The following EFHC2 variants were observed in gnomAD, a reference collection of about 807,000 sequenced individuals.
EFHC2 encodes the protein EF-hand domain containing 2, also known as EF-hand domain-containing family member C2.
In EFHC2, 18 loss-of-function variants were observed where a neutral mutation model predicts 52.7. The observed-to-expected ratio is 0.34, with a 90% confidence interval of 0.24 to 0.51. The LOEUF is 0.51. EFHC2 is among the 20% of genes least tolerant of loss of function. EFHC2 has a pLI of 0.97. For synonymous variants in EFHC2, 203 were observed against 204.1 expected, an observed-to-expected ratio of 0.99 and a Z score of 0.04; for missense variants, 513 against 562.5, an observed-to-expected ratio of 0.91 and a Z score of 0.89.
intron 11 of EFHC2, among the ~76,000 whole-genome samples, chrX:44,192,188 G>A (rs2036926970): frequency 9.1e-6 from 1 of 110,011 alleles, no homozygotes; most frequent in African/African-American, 3.3e-5. Context: ...TCATATTCTG[G>A]ATTAAGTTAT....
chrX:44,186,294 G>A (rs900340860), intron 11 of EFHC2, among the ~76,000 whole-genome samples: 1 of 111,656 alleles, frequency 9.0e-6, no homozygotes, highest in Non-Finnish European at 1.9e-5. Flanking sequence ...TCCATGATTT[G>A]GTACAATATG....
intron 2 of EFHC2, chrX:44,310,136 C>T: frequency 4.3e-6 from 3 of 692,951 alleles, no homozygotes; most frequent in South Asian, 4.3e-5. Flanking sequence ...ATTCCCAGTG[C>T]CGAATGTCCT....
In EFHC2 at chrX:44,297,937, GAGAAA is replaced by G. The variant is rs779400518; in HGVS notation, c.231+14626_231+14630del. Among the ~76,000 whole-genome samples, 323 of 92,341 alleles carry G rather than the reference GAGAAA, an allele frequency of 3.5e-3. 3 individuals carry two copies. Among genetic ancestry groups the G allele is most frequent in the African/African-American group, 0.012 (303 of 25,113 alleles). The allele number at this position is 92,341 out of a possible 115,157, so 80.2% of individuals were successfully genotyped here. A position where few individuals can be genotyped will look rare whatever the true frequency, so the allele number is the denominator to read the frequency against. On this transcript the variant is annotated intron_variant, in intron 2 of 14. Transcript: ENST00000420999. ...ATGAAGAGACAGAAGTCCAATAAAA[GAGAAA>G]AGAAAACAGAAAAAAGGTAAAAAAA...
intron 2 of EFHC2, chrX:44,310,347 C>T (rs1380217735): frequency 2.3e-6 from 2 of 884,389 alleles, no homozygotes; most frequent in African/African-American, 2.0e-5. Context: ...GTCTTGCTGG[C>T]CAGAACCCGG....
intron 11 of EFHC2, among the ~76,000 whole-genome samples, chrX:44,197,903 TTACTTAC>T (rs2036977668): frequency 8.9e-6 from 1 of 112,260 alleles, no homozygotes; most frequent in African/African-American, 3.2e-5. Flanking sequence ...AAATTAGCAT[TTACTTAC>T]TGCTCCCATT....
chrX:44,242,413 T>C, intron 7 of EFHC2, 124 bp from the exon 8 acceptor site: 5 of 790,084 alleles, frequency 6.3e-6, no homozygotes, highest in Non-Finnish European at 3.5e-6. Context: ...TTAAACTCTT[T>C]CAAACAAAAC....
chrX:44,291,187 T>C (rs2037790408), intron 2 of EFHC2, among the ~76,000 whole-genome samples: 1 of 111,789 alleles, frequency 8.9e-6, no homozygotes, highest in African/African-American at 3.2e-5. Flanking sequence ...GCTCAAGTTA[T>C]AATCTCACTC....
At chrX:44,328,042 A>T (rs1225080525) in intron 1 of EFHC2, among the ~76,000 whole-genome samples, 1 of 111,780 alleles carries the variant, frequency 8.9e-6, no homozygotes, top group East Asian at 2.8e-4. Context: ...AAATAATTCA[A>T]CTTAAGGCAC....
At chrX:44,170,523 C>T (rs1275397081) in intron 13 of EFHC2, among the ~76,000 whole-genome samples, 1 of 110,692 alleles carries the variant, frequency 9.0e-6, no homozygotes, top group East Asian at 2.9e-4. Flanking sequence ...ACTAGAGTTA[C>T]CCCTGAAGGT....
At chrX:44,339,051 C>T (rs1041151136) in intron 1 of EFHC2, among the ~76,000 whole-genome samples, 1 of 111,326 alleles carries the variant, frequency 9.0e-6, no homozygotes, top group African/African-American at 3.3e-5. Flanking sequence ...ATTAGCCAGG[C>T]GTGGTGGCAC....
At chrX:44,164,627 C>A (rs1169597554) in intron 13 of EFHC2, among the ~76,000 whole-genome samples, 1 of 111,519 alleles carries the variant, frequency 9.0e-6, no homozygotes, top group Non-Finnish European at 1.9e-5. Flanking sequence ...GAGTTACAAT[C>A]CCACTTTAGG....
intron 4 of EFHC2, among the ~76,000 whole-genome samples, chrX:44,252,521 TTA>T (rs2037459561): frequency 8.9e-6 from 1 of 111,855 alleles, no homozygotes; most frequent in African/African-American, 3.2e-5. Context: ...TTCTTTGGCA[TTA>T]TGAGGCCTCT....
In EFHC2 at chrX:44,343,656, C is replaced by G; in HGVS notation, c.-68G>C. 9.3e-7 allele frequency: 1 copy of G among 1,080,838 alleles called. No individual in the cohort carries two copies. The highest frequency in any genetic ancestry group is 1.2e-6 in the Non-Finnish European group (1 of 810,707). The allele number at this position is 1,080,838 out of a possible 1,213,427, so 89.1% of individuals were successfully genotyped here. A position where few individuals can be genotyped will look rare whatever the true frequency, so the allele number is the denominator to read the frequency against. ...CCGGCAGGCAGCGGCGCCTCCCGGC[C>G]GTGTTGTTTGGCCCCCACGTTGCCT... On this transcript the variant is annotated 5_prime_UTR_variant, in exon 1 of 15. Coordinates refer to ENST00000420999, the MANE Select transcript of EFHC2 (RefSeq NM_025184.4).
At chrX:44,169,988 G>A (rs1373294706) in intron 13 of EFHC2, among the ~76,000 whole-genome samples, 1 of 111,943 alleles carries the variant, frequency 8.9e-6, no homozygotes, top group Admixed American at 9.5e-5. Context: ...GCTGAAAGTG[G>A]CTTCTTCTTG....
intron 13 of EFHC2, among the ~76,000 whole-genome samples, chrX:44,171,955 A>T (rs988272488): frequency 2.7e-5 from 3 of 111,446 alleles, no homozygotes; most frequent in African/African-American, 9.8e-5. Context: ...TAACTACCAC[A>T]TGGCTCAGCC....
At chrX:44,225,426 T>A (rs1191963313) in intron 11 of EFHC2, among the ~76,000 whole-genome samples, 1 of 110,247 alleles carries the variant, frequency 9.1e-6, no homozygotes, top group Non-Finnish European at 1.9e-5. Context: ...TCAAAGTTTT[T>A]CTGAGAGGAG....
At position 44,311,939 on chromosome X, in the gene EFHC2, A is replaced by G. The variant is rs62590830; in HGVS notation, c.231+629T>C. Reference sequence around the variant, plus strand: ...CAATCTGACGAGACTCTTAGTTTCTATAGGACAGATTATCCTGTCCAGTGA... The same window carrying G: ...CAATCTGACGAGACTCTTAGTTTCTGTAGGACAGATTATCCTGTCCAGTGA... On this transcript the variant is annotated intron_variant, in intron 2 of 14. Transcript: ENST00000420999. Among the ~76,000 whole-genome samples the G allele has an allele frequency of 4.0e-3, 452 of 112,564 alleles. 2 individuals carry two copies. Among genetic ancestry groups the G allele is most frequent in the Non-Finnish European group, 6.4e-3 (341 of 53,301 alleles).
intron 8 of EFHC2, among the ~76,000 whole-genome samples, chrX:44,241,331 A>G (rs1349110570): frequency 8.9e-6 from 1 of 112,175 alleles, no homozygotes; most frequent in Non-Finnish European, 1.9e-5. Context: ...GTTTTTCTCC[A>G]TGTCTATTAG....
chrX:44,196,199 G>A lies in EFHC2; in HGVS notation c.1752-17635C>T, dbSNP rs143926819. 1.7e-3 allele frequency among the ~76,000 whole-genome samples: 187 copies of A among 111,856 alleles called. 3 individuals are homozygous for A. In the East Asian group the frequency reaches 0.046, roughly 27 times the overall value. ...GCCACAGTGCTGAGACTACAGGCAT[G>A]AGCCACCACACCCAGCTTATAGTTA... On this transcript the variant is annotated intron_variant, in intron 11 of 14. Transcript: ENST00000420999.
Sources: allele counts gnomAD v4.1 joint callset (sites outside exome capture counted in the v4.1 genomes callset), GRCh38; gene constraint gnomAD v4.1.1; transcripts MANE v1.5; gene names NCBI Gene and HGNC (gene_info 2026-07-23, HGNC 2026-07-21).